The following ACBD4 variants were observed in gnomAD, a reference collection of about 807,000 sequenced individuals.
ACBD4 encodes the protein acyl-CoA-binding domain-containing protein 4.
In ACBD4, 41 loss-of-function variants were observed where a neutral mutation model predicts 46.0. The observed-to-expected ratio is 0.89, with a 90% CI of 0.69 to 1.16. The LOEUF is 1.16. Among genes scored for constraint, ACBD4 ranks in the 50% most tolerant of loss-of-function variants. ACBD4 has a pLI of 0.00. For synonymous variants in ACBD4, 162 were observed against 155.9 expected (o/e 1.04, Z -0.29); for missense variants, 393 against 399.5 (o/e 0.98, Z 0.14).
At chr17:45,143,324 C>A in intron 9 of ACBD4, 119 bp from the exon 10 acceptor site, 1 of 856,126 alleles carries the variant, frequency 1.2e-6, no homozygotes, top group Non-Finnish European at 1.7e-6. Context: ...CACTTCCTTT[C>A]TAGTGGTGCA....
chr17:45,140,183 CTTTTTGT>C (rs2055177443), intron 9 of ACBD4, among the ~76,000 whole-genome samples: 3 of 139,352 alleles, frequency 2.2e-5, no homozygotes, highest in Non-Finnish European at 4.7e-5. Context: ...TTTTTTTTTT[CTTTTTGT>C]TTTTTGTTTT....
At chr17:45,142,234 A>G (rs2055318293) in intron 9 of ACBD4, among the ~76,000 whole-genome samples, 1 of 151,780 alleles carries the variant, frequency 6.6e-6, no homozygotes, top group Non-Finnish European at 1.5e-5. Flanking sequence ...GTCTTCTAAA[A>G]ATACAAAAAT....
In ACBD4 at chr17:45,136,527, T is replaced by G; in HGVS notation, c.116T>G (p.Met39Arg). ...NGSYRPSYEE[M>R]LRFYSYYKQA... The stretch of plus-strand genomic sequence containing the variant: ...TCTTACCGCCCCTCCTATGAAGAGA[T>G]GCTGCGATTCTACAGTTACTACAAG... The change falls in exon 3 of 10, where the codon ATG (methionine) becomes AGG (arginine). Residue 39 changes from methionine (M) to arginine (R), a missense_variant. Physicochemically the swap from Met to Arg is moderately conservative, Grantham distance 91 (BLOSUM62 -1). This residue lies in a region of ACBD4 where 61 missense variants were observed against 50.3 expected (regional missense o/e 1.21). Transcript: ENST00000321854. The G allele has an allele frequency of 6.2e-7, 1 of 1,613,706 alleles. No homozygotes were observed. The highest frequency in any genetic ancestry group is 8.5e-7 in the Non-Finnish European group (1 of 1,179,912).
chr17:45,143,605 ACTAT>A lies in ACBD4; in HGVS notation c.*37_*40del. ...GGAGGGGTCTCTGCAGCCAACTGAG[ACTAT>A]CTTGCTGTGCCCTGAGCCTTCCTAG... is the stretch of plus-strand genomic sequence containing the variant. On this transcript the variant is annotated 3_prime_UTR_variant, in exon 10 of 10. Transcript: ENST00000321854. 2.5e-6 allele frequency: 4 copies of A among 1,613,910 alleles called. No individual in the cohort carries two copies. The highest frequency in any genetic ancestry group is 3.4e-6 in the Non-Finnish European group (4 of 1,179,984).
At position 45,143,619 on chromosome 17, in the gene ACBD4, C is replaced by T. The variant is rs760710600; in HGVS notation, c.*48C>T. On this transcript the variant is annotated 3_prime_UTR_variant, in exon 10 of 10. Transcript: ENST00000321854. ...AGCCAACTGAGACTATCTTGCTGTGCCCTGAGCCTTCCTAGGGTTTAGAAG... is the reference window on the plus strand; with the variant it reads ...AGCCAACTGAGACTATCTTGCTGTGTCCTGAGCCTTCCTAGGGTTTAGAAG... 3.7e-6 allele frequency: 6 copies of T among 1,613,786 alleles called. No individual in the cohort carries two copies. The highest frequency in any genetic ancestry group is 5.1e-6 in the Non-Finnish European group (6 of 1,179,924).
In ACBD4 at chr17:45,136,584, G is replaced by A. The variant is rs771812922; in HGVS notation, c.173G>A (p.Arg58Gln). 11 of 1,613,866 alleles carry A rather than the reference G, an allele frequency of 6.8e-6. No homozygotes were observed. Among genetic ancestry groups the A allele is most frequent in the South Asian group, 1.1e-5 (1 of 91,088 alleles). ...ACCATGGGGCCCTGCCTGGTCCCCC[G>A]GCCCGGGTTCTGGGACCCCATTGGA... is the stretch of plus-strand genomic sequence containing the variant. ...QATMGPCLVP[R>Q]PGFWDPIGRY... is the part of the protein sequence containing the mutation. Residue 58 changes from arginine (R) to glutamine (Q), a missense_variant, in exon 3 of 10, where the codon CGG becomes CAG. Physicochemically the swap from Arg to Gln is conservative, Grantham distance 43. Transcript: ENST00000321854.
chr17:45,143,664 C>G lies in ACBD4; in HGVS notation c.*93C>G, dbSNP rs541034697. The G allele has an allele frequency of 1.9e-6, 3 of 1,604,002 alleles. No individual in the cohort carries two copies. Among genetic ancestry groups the G allele is most frequent in the East Asian group, 2.2e-5 (1 of 44,620 alleles). On this transcript the variant is annotated 3_prime_UTR_variant, in exon 10 of 10. Coordinates refer to ENST00000321854, the MANE Select transcript of ACBD4 (RefSeq NM_001135705.3). ...TAGAAGAACAGCATTCAAAATTCCC[C>G]GTCCTGTCAGTGTTTGCCTTCGCAC...
At position 45,137,391 on chromosome 17, in the gene ACBD4, G is replaced by A; in HGVS notation, c.439G>A (p.Gly147Arg). 1 of 1,614,150 alleles carries A rather than the reference G, an allele frequency of 6.2e-7. No individual in the cohort carries two copies. The highest frequency in any genetic ancestry group is 8.5e-7 in the Non-Finnish European group (1 of 1,180,020). ...AGGTTGGAAAGAGCAGGTTGTGAATGGAGATGTTGGGGCTGTTTCAGAGCC... is the reference window on the plus strand; with the variant it reads ...AGGTTGGAAAGAGCAGGTTGTGAATAGAGATGTTGGGGCTGTTTCAGAGCC... ...VTGWKEQVVN[G>R]DVGAVSEPPC... Residue 147 changes from glycine (G) to arginine (R), a missense_variant, in exon 6 of 10, where the codon GGA (glycine) becomes AGA (arginine). Physicochemically the swap from Gly to Arg is moderately radical, Grantham distance 125. This residue lies in a region of ACBD4 where 308 missense variants were observed against 301.8 expected (regional missense o/e 1.02). Transcript: ENST00000321854.
chr17:45,142,930 T>G (rs1207706229), intron 9 of ACBD4: 1 of 153,640 alleles, frequency 6.5e-6, no homozygotes, highest in African/African-American at 2.4e-5. Context: ...CCGGATCTTA[T>G]GTTCTTATAA....
chr17:45,143,750 G>C lies in ACBD4; in HGVS notation c.*179G>C. The C allele has an allele frequency of 5.6e-6, 6 of 1,068,810 alleles. No homozygotes were observed. In the South Asian group the frequency reaches 8.0e-5, roughly 14 times the overall value. The allele number at this position is 1,068,810 out of a possible 1,614,324, so 66.2% of individuals were successfully genotyped here. A position where few individuals can be genotyped will look rare whatever the true frequency, so the allele number is the denominator to read the frequency against. ...CCCCACCCCTCCCTGCAGCTTCACA[G>C]GGACGCTTCCTTCCCTCCCCGCAAC... On this transcript the variant is annotated 3_prime_UTR_variant, in exon 10 of 10. Transcript: ENST00000321854.
At chr17:45,138,265 C>T (rs1542688) in intron 8 of ACBD4, 41,840 of 557,336 alleles carry the variant, frequency 0.075, 2,039 homozygotes, top group African/African-American at 0.17. Context: ...GCCCAGTTCT[C>T]CCACCTACAG....
chr17:45,135,761 G>A lies in ACBD4; in HGVS notation c.-230G>A. 6.0e-6 allele frequency: 1 copy of A among 165,896 alleles called. No individual in the cohort carries two copies. The highest frequency in any genetic ancestry group is 1.3e-5 in the Non-Finnish European group (1 of 76,034). The allele number at this position is 165,896 out of a possible 1,614,324, so 10.3% of individuals were successfully genotyped here. ...GTGGGCGCCGCGGGGCACACGCTGG[G>A]CCAAGGTGCAGGCGGCCAGGGTGGG... On this transcript the variant is annotated 5_prime_UTR_variant, in exon 1 of 10. Coordinates refer to ENST00000321854, the MANE Select transcript of ACBD4 (RefSeq NM_001135705.3).
At chr17:45,140,170 T>G (rs1355051545) in intron 9 of ACBD4, among the ~76,000 whole-genome samples, 2 of 95,946 alleles carry the variant, frequency 2.1e-5, no homozygotes, top group African/African-American at 4.2e-5. Context: ...TTTTCTTCTG[T>G]TTTTTTTTTT....
At position 45,135,899 on chromosome 17, in the gene ACBD4, CCCTCGCCACCTG is replaced by C. The variant is rs1285654322; in HGVS notation, c.-79_-68del. On this transcript the variant is annotated 5_prime_UTR_variant, in exon 1 of 10. Transcript: ENST00000321854. ...GGGACGGACACATCTGGCACTGAGGCCCTCGCCACCTGCCTCGCCACCTGGCGACCCTGACCC... is the reference window on the plus strand; with the variant it reads ...GGGACGGACACATCTGGCACTGAGGCCCTCGCCACCTGGCGACCCTGACCC... 5 of 512,312 alleles carry C rather than the reference CCCTCGCCACCTG, an allele frequency of 9.8e-6. No individual in the cohort carries two copies. The highest frequency in any genetic ancestry group is 6.5e-5 in the Admixed American group (2 of 30,886). 31.7% of individuals were successfully genotyped at this position (512,312 alleles called of 1,614,324 possible).
intron 9 of ACBD4, among the ~76,000 whole-genome samples, chr17:45,139,905 C>T (rs775364262): frequency 7.9e-5 from 12 of 152,156 alleles, no homozygotes; most frequent in Non-Finnish European, 1.5e-4. Context: ...TAACATTAAG[C>T]GATGGAGTTG....
intron 8 of ACBD4, chr17:45,138,670 C>T (rs535418785): frequency 7.2e-5 from 20 of 279,368 alleles, no homozygotes; most frequent in Non-Finnish European, 1.3e-4. Context: ...CACCTATAAT[C>T]CCAGGTATTC....
Position 45,143,241 on chromosome 17 carries a change from G to C in ACBD4, c.790-202G>C, listed in dbSNP as rs114451342. Among the ~76,000 whole-genome samples, 1,298 of 152,330 alleles carry C rather than the reference G, an allele frequency of 8.5e-3. 7 individuals carry two copies. The highest frequency in any genetic ancestry group is 0.018 in the African/African-American group (756 of 41,576). On this transcript the variant is annotated intron_variant, in intron 9 of 9. Transcript: ENST00000321854. ...ACCCGCAGCCCCGCCAGCCTCTCTT[G>C]ATACTGGGATTGCCCTGGGGAGGAA... is the stretch of plus-strand genomic sequence containing the variant.
At chr17:45,132,880 G>T (rs1180433871), upstream of ACBD4, among the ~76,000 whole-genome samples, 3 of 152,206 alleles carry the variant, frequency 2.0e-5, no homozygotes, top group Non-Finnish European at 2.9e-5. This position sits in a 1 kb window ranked among gnomAD's most constrained non-coding sequence, Gnocchi z 4.6. Context: ...GCAGGCCTCA[G>T]CAGGGAACCA....
At chr17:45,135,186 G>C (rs531569432), upstream of ACBD4, among the ~76,000 whole-genome samples, 135 of 152,192 alleles carry the variant, frequency 8.9e-4, no homozygotes, top group African/African-American at 3.1e-3. Flanking sequence ...GGCTGGTCTC[G>C]AACTCCTGAC....
Sources: gnomAD v4.1 joint callset for allele counts (sites outside exome capture counted in the v4.1 genomes callset) on GRCh38, gnomAD v4.1.1 for gene constraint, gnomAD v4.1.1 regional missense constraint, Gnocchi (gnomAD v3.1) non-coding constraint, MANE v1.5 for transcripts, NCBI Gene and HGNC (gene_info 2026-07-23, HGNC 2026-07-21) for gene names.